Variants in KDM4C observed in about 807,000 individuals in gnomAD.
The protein encoded by KDM4C is lysine-specific demethylase 4C.
KDM4C carries 81 observed loss-of-function variants against 129.3 expected under a neutral mutation model. The ratio of observed to expected loss-of-function variants is 0.63; its 90% CI spans 0.52 to 0.75. The LOEUF (loss-of-function observed/expected upper bound fraction) is 0.75, where lower values mean the gene tolerates loss of function less well. Among genes scored for constraint, KDM4C ranks in the 30% least tolerant of loss-of-function variants. The probability of loss-of-function intolerance (pLI) is 0.00; values close to 1 mark genes in which losing one functional copy is unlikely to be tolerated. For missense variants in KDM4C, 1,457 were observed against 1,304.0 expected, an observed-to-expected ratio of 1.12 and a Z score of -1.81; for synonymous variants, 573 against 456.1, an observed-to-expected ratio of 1.26 and a Z score of -3.26.
chr9:6,877,762 A>G (rs1332106455), intron 5 of KDM4C, among the ~76,000 whole-genome samples: 5 of 152,188 alleles, frequency 3.3e-5, no homozygotes, highest in East Asian at 3.8e-4. Flanking sequence ...CTAAAACATT[A>G]AAATTAGTCT....
At chr9:7,103,986 T>A in intron 18 of KDM4C, 116 bp downstream of exon 18, 2 of 938,438 alleles carry the variant, frequency 2.1e-6, no homozygotes, top group South Asian at 3.3e-5. Flanking sequence ...TGTTGACATG[T>A]CTAGACCGTG....
At chr9:6,837,242 G>A (rs1836042721) in intron 4 of KDM4C, among the ~76,000 whole-genome samples, 1 of 152,024 alleles carries the variant, frequency 6.6e-6, no homozygotes, top group Admixed American at 6.6e-5. Flanking sequence ...ATTTTTTGTC[G>A]AGATGGGGTT....
chr9:6,991,701 C>G (rs1818780142), intron 12 of KDM4C, among the ~76,000 whole-genome samples: 1 of 152,088 alleles, frequency 6.6e-6, no homozygotes, highest in African/African-American at 2.4e-5. Flanking sequence ...ATTTTTTCCC[C>G]CTTTCACTCA....
intron 1 of KDM4C, among the ~76,000 whole-genome samples, chr9:6,781,375 G>GT (rs60694084): frequency 0.068 from 9,892 of 145,840 alleles, 403 homozygotes; most frequent in East Asian, 0.21. Context: ...ACATAATCTT[G>GT]TTTTTTGTGT....
chr9:7,012,550 T>G (rs565894225), intron 13 of KDM4C, among the ~76,000 whole-genome samples: 111 of 152,318 alleles, frequency 7.3e-4, no homozygotes, highest in African/African-American at 2.6e-3. Flanking sequence ...AGTGTCTCTT[T>G]TCACCTTCCC....
At chr9:7,099,186 CTGTT>C (rs1396021556) in intron 17 of KDM4C, among the ~76,000 whole-genome samples, 1 of 152,148 alleles carries the variant, frequency 6.6e-6, no homozygotes, top group Non-Finnish European at 1.5e-5. Context: ...GAATACCTGC[CTGTT>C]TGTGGAAGAA....
intron 6 of KDM4C, among the ~76,000 whole-genome samples, chr9:6,880,812 C>G (rs1378680250): frequency 2.6e-5 from 4 of 152,082 alleles, no homozygotes; most frequent in Admixed American, 2.0e-4. Flanking sequence ...TAAAGATAAG[C>G]CAGGCGGCCT....
intron 8 of KDM4C, among the ~76,000 whole-genome samples, chr9:6,955,941 C>G (rs542752239): frequency 6.6e-6 from 1 of 152,182 alleles, no homozygotes; most frequent in African/African-American, 2.4e-5. Context: ...GTTGGAAATA[C>G]AACAGAACTG....
chr9:6,728,500 C>G (rs754308844), intron 1 of KDM4C, among the ~76,000 whole-genome samples: 24 of 151,852 alleles, frequency 1.6e-4, no homozygotes, highest in Non-Finnish European at 2.5e-4. Context: ...CGCCACTGCA[C>G]TCCAGCCCGG....
intron 8 of KDM4C, among the ~76,000 whole-genome samples, chr9:6,903,927 A>C (rs914371170): frequency 1.3e-5 from 2 of 152,280 alleles, no homozygotes; most frequent in African/African-American, 4.8e-5. Context: ...CATGTCTTTA[A>C]TATATCATTC....
At chr9:7,115,644 C>T (rs1838815339) in intron 18 of KDM4C, among the ~76,000 whole-genome samples, 1 of 152,146 alleles carries the variant, frequency 6.6e-6, no homozygotes, top group African/African-American at 2.4e-5. Flanking sequence ...TAACTGCAAG[C>T]AATAGAAAAG....
intron 17 of KDM4C, among the ~76,000 whole-genome samples, chr9:7,066,393 G>A (rs1436014933): frequency 3.9e-5 from 6 of 152,156 alleles, no homozygotes; most frequent in Non-Finnish European, 7.4e-5. Flanking sequence ...CACAAGAGAA[G>A]GGCTAGAATA....
At chr9:7,013,471 C>G (rs1586910536) in intron 13 of KDM4C, among the ~76,000 whole-genome samples, 1 of 152,146 alleles carries the variant, frequency 6.6e-6, no homozygotes, top group East Asian at 1.9e-4. Flanking sequence ...GATCTGTTAA[C>G]TCTAGTGCAT....
At chr9:7,108,391 C>T (rs10815517) in intron 18 of KDM4C, among the ~76,000 whole-genome samples, 34,422 of 151,994 alleles carry the variant, frequency 0.23, 4,139 homozygotes, top group East Asian at 0.46. Flanking sequence ...TGTGCGCCCC[C>T]ATGTCCTGCT....
At chr9:6,925,288 A>G (rs1400587466) in intron 8 of KDM4C, 1 of 985,230 alleles carries the variant, frequency 1.0e-6, no homozygotes, top group Non-Finnish European at 1.2e-6. Context: ...ATGGGAAAAT[A>G]TAATAATGGA....
chr9:7,087,274 CTT>C (rs56306376), intron 17 of KDM4C, among the ~76,000 whole-genome samples: 1 of 147,332 alleles, frequency 6.8e-6, no homozygotes, highest in Non-Finnish European at 1.5e-5. Flanking sequence ...AATATGAAGG[CTT>C]TTTTTTTTGA....
intron 5 of KDM4C, among the ~76,000 whole-genome samples, chr9:6,856,757 T>C (rs1359815382): frequency 2.0e-5 from 3 of 146,518 alleles, no homozygotes; most frequent in Non-Finnish European, 4.5e-5. Flanking sequence ...ATTTTTTTTT[T>C]TTTTTTTTTT....
intron 19 of KDM4C, among the ~76,000 whole-genome samples, chr9:7,149,042 C>G (rs1842478331): frequency 6.6e-6 from 1 of 152,206 alleles, no homozygotes; most frequent in African/African-American, 2.4e-5. Context: ...ACCTGTCTGC[C>G]TTTTGCCGTC....
chr9:6,806,430 G>T (rs865987069), intron 3 of KDM4C, among the ~76,000 whole-genome samples: 1 of 151,954 alleles, frequency 6.6e-6, no homozygotes, highest in South Asian at 2.1e-4. Context: ...GGAGACAGAG[G>T]TTGCAGTGAG....
Sources: allele counts gnomAD v4.1 joint callset (sites outside exome capture counted in the v4.1 genomes callset), GRCh38; gene constraint gnomAD v4.1.1; transcripts MANE v1.5; gene names NCBI Gene and HGNC (gene_info 2026-07-23, HGNC 2026-07-21).